Variants in CYB5R4 observed in about 807,000 individuals in gnomAD.
CYB5R4 encodes the protein N-terminal cytochrome b5 and cytochrome b5 oxidoreductase domain-containing protein.
CYB5R4 carries 55 observed loss-of-function variants against 70.2 expected under a neutral mutation model. That is an observed-to-expected ratio of 0.78 (90% CI 0.63 to 0.98). CYB5R4 has a LOEUF of 0.98. CYB5R4 is among the 50% of genes least tolerant of loss of function. CYB5R4 has a pLI of 0.00. For missense variants in CYB5R4, 562 were observed against 612.6 expected (o/e 0.92, Z 0.87); for synonymous variants, 197 against 199.5 (o/e 0.99, Z 0.11).
intron 10 of CYB5R4, among the ~76,000 whole-genome samples, chr6:83,925,920 AT>A (rs147999112): frequency 1.4e-4 from 22 of 152,182 alleles, no homozygotes; most frequent in African/African-American, 5.3e-4. Context: ...TTCTACTCAT[AT>A]TTTTAACTTC....
At chr6:83,915,756 G>T (rs2099465402) in intron 5 of CYB5R4, among the ~76,000 whole-genome samples, 1 of 152,014 alleles carries the variant, frequency 6.6e-6, no homozygotes, top group Admixed American at 6.5e-5. Flanking sequence ...TTCCCTTTTG[G>T]CTCATTTAAG....
chr6:83,899,660 T>C (rs1356054083), intron 3 of CYB5R4, among the ~76,000 whole-genome samples: 2 of 152,230 alleles, frequency 1.3e-5, no homozygotes, highest in Non-Finnish European at 2.9e-5. Flanking sequence ...ATTGGACTAT[T>C]CAGGGATTCA....
At chr6:83,859,928 G>T in intron 1 of CYB5R4, 71 bp downstream of exon 1, 1 of 1,404,262 alleles carries the variant, frequency 7.1e-7, no homozygotes, top group Non-Finnish European at 9.7e-7. Flanking sequence ...CTCTTCTTCC[G>T]CCCCAACTCC....
intron 3 of CYB5R4, among the ~76,000 whole-genome samples, chr6:83,904,662 T>C (rs1395322588): frequency 2.6e-5 from 4 of 152,244 alleles, no homozygotes; most frequent in African/African-American, 9.6e-5. Flanking sequence ...GGAGTTTCTC[T>C]CTCTCTTTAG....
At chr6:83,860,181 T>A (rs183562204) in intron 1 of CYB5R4, among the ~76,000 whole-genome samples, 45 of 152,288 alleles carry the variant, frequency 3.0e-4, no homozygotes, top group African/African-American at 1.1e-3. Flanking sequence ...CTCTCGGTAT[T>A]AGCCGCCTTC....
chr6:83,959,881 A>C lies in CYB5R4; in HGVS notation c.*3A>C. On this transcript the variant is annotated 3_prime_UTR_variant, in exon 16 of 16. Coordinates refer to ENST00000369681, the MANE Select transcript of CYB5R4 (RefSeq NM_016230.4). The stretch of plus-strand genomic sequence containing the variant: ...AGATCCATAGTTTTACAGCATAATG[A>C]AGAGCTGTCATTGTCCTTTATTCAA... 1 of 1,593,648 alleles carries C rather than the reference A, an allele frequency of 6.3e-7. No individual in the cohort carries two copies. The highest frequency in any genetic ancestry group is 1.3e-5 in the African/African-American group (1 of 74,652).
chr6:83,914,388 T>A (rs2129138754), intron 4 of CYB5R4, 28 bp from the exon 5 acceptor site: 2 of 1,525,578 alleles, frequency 1.3e-6, no homozygotes, highest in Non-Finnish European at 1.8e-6. Flanking sequence ...TATTCTTATT[T>A]GACTTTTTTT....
intron 5 of CYB5R4, among the ~76,000 whole-genome samples, chr6:83,914,815 G>A (rs1433893012): frequency 1.3e-5 from 2 of 149,758 alleles, no homozygotes; most frequent in South Asian, 2.1e-4. Flanking sequence ...GATTACGGGC[G>A]TGAGCCACTG....
At chr6:83,944,863 T>G (rs2099470323) in intron 14 of CYB5R4, among the ~76,000 whole-genome samples, 1 of 150,712 alleles carries the variant, frequency 6.6e-6, no homozygotes, top group Admixed American at 6.6e-5. Flanking sequence ...CTAAAGGGAT[T>G]AACAAGAAGA....
At chr6:83,883,216 G>A (rs1172148038) in intron 2 of CYB5R4, among the ~76,000 whole-genome samples, 1 of 152,038 alleles carries the variant, frequency 6.6e-6, no homozygotes, top group African/African-American at 2.4e-5. Flanking sequence ...AAAATGAACA[G>A]GGACTCAGGG....
In CYB5R4 at chr6:83,935,891, C is replaced by T. The variant is rs1007254879; in HGVS notation, c.956-333C>T. 6.6e-5 allele frequency among the ~76,000 whole-genome samples: 10 copies of T among 151,364 alleles called. No individual in the cohort carries two copies. In the East Asian group the frequency reaches 9.7e-4, roughly 15 times the overall value. ...ACATCTCCATGGTAACTTTTGATGC[C>T]GTTTTTGTTGTAGCCCATTACAAAG... On this transcript the variant is annotated intron_variant, in intron 11 of 15. Transcript: ENST00000369681.
intron 3 of CYB5R4, among the ~76,000 whole-genome samples, chr6:83,903,865 G>A (rs1265520387): frequency 6.6e-6 from 1 of 151,924 alleles, no homozygotes; most frequent in African/African-American, 2.4e-5. Context: ...ATGATCCTTT[G>A]TATTTCTTTG....
Position 83,960,778 on chromosome 6 carries a change from CA to C in CYB5R4, c.*902del, listed in dbSNP as rs2099473206. ...TTCCCCTGGTTGGCTGCTTTCTCCA[CA>C]ACTGGTGGTTCAGCAGGAAGCCCTC... On this transcript the variant is annotated 3_prime_UTR_variant, in exon 16 of 16. Coordinates refer to ENST00000369681, the MANE Select transcript of CYB5R4 (RefSeq NM_016230.4). 1 of 152,242 alleles carries C rather than the reference CA, an allele frequency of 6.6e-6. No individual in the cohort carries two copies. The highest frequency in any genetic ancestry group is 1.9e-4 in the East Asian group (1 of 5,192). The allele number at this position is 152,242 out of a possible 1,614,324, so 9.4% of individuals were successfully genotyped here. A position where few individuals can be genotyped will look rare whatever the true frequency, so the allele number is the denominator to read the frequency against.
chr6:83,915,656 C>T (rs956638140), intron 5 of CYB5R4, among the ~76,000 whole-genome samples: 2 of 152,238 alleles, frequency 1.3e-5, no homozygotes, highest in African/African-American at 4.8e-5. Flanking sequence ...TAGCACTCCA[C>T]AAGTGATTTG....
At chr6:83,899,131 T>C (rs1468296125) in intron 3 of CYB5R4, among the ~76,000 whole-genome samples, 3 of 152,204 alleles carry the variant, frequency 2.0e-5, no homozygotes, top group Non-Finnish European at 4.4e-5. Flanking sequence ...TGTTTTGAGA[T>C]ATGTGGCATC....
chr6:83,862,521 A>G (rs2099456117), intron 1 of CYB5R4, among the ~76,000 whole-genome samples: 1 of 152,220 alleles, frequency 6.6e-6, no homozygotes, highest in Non-Finnish European at 1.5e-5. Flanking sequence ...CACTACTATA[A>G]GCAAGTACTT....
At chr6:83,863,239 G>C (rs974701096) in intron 1 of CYB5R4, among the ~76,000 whole-genome samples, 1 of 152,158 alleles carries the variant, frequency 6.6e-6, no homozygotes, top group African/African-American at 2.4e-5. Context: ...GGGCCAGGTG[G>C]TGTTTTCGGC....
At chr6:83,861,928 C>G (rs1347034411) in intron 1 of CYB5R4, among the ~76,000 whole-genome samples, 1 of 152,032 alleles carries the variant, frequency 6.6e-6, no homozygotes, top group Non-Finnish European at 1.5e-5. Flanking sequence ...GTCAATTAAC[C>G]CACGGTAAAA....
In CYB5R4 at chr6:83,940,048, T is replaced by C; in HGVS notation, c.1109-8T>C. The C allele has an allele frequency of 1.3e-6, 2 of 1,524,062 alleles. No individual in the cohort carries two copies. Among genetic ancestry groups the C allele is most frequent in the African/African-American group, 2.8e-5 (2 of 71,182 alleles). 94.4% of individuals were successfully genotyped at this position (1,524,062 alleles called of 1,614,324 possible). A position where few individuals can be genotyped will look rare whatever the true frequency, so the allele number is the denominator to read the frequency against. ...TTTTTCTGATTTAGCTTATGTTTCA[T>C]TGTTTAGGAGATTTTGTTTCTGTAA... is the stretch of plus-strand genomic sequence containing the variant. On this transcript the variant is annotated splice_region_variant and splice_polypyrimidine_tract_variant and intron_variant, in intron 12 of 15. Transcript: ENST00000369681.
Sources: allele counts gnomAD v4.1 joint callset (sites outside exome capture counted in the v4.1 genomes callset), GRCh38; gene constraint gnomAD v4.1.1; transcripts MANE v1.5; gene names NCBI Gene and HGNC (gene_info 2026-07-23, HGNC 2026-07-21).